Variants in TMEM80 observed in about 807,000 individuals in gnomAD.
TMEM80 encodes transmembrane protein 80.
TMEM80 carries 16 observed loss-of-function variants against 13.6 expected under a neutral mutation model. The observed-to-expected ratio is 1.17, with a 90% CI of 0.79 to 1.78. The LOEUF (loss-of-function observed/expected upper bound fraction) is 1.78, where lower values mean the gene tolerates loss of function less well. TMEM80 is among the 40% of genes most tolerant of loss of function. The pLI is 0.00. For synonymous variants in TMEM80, 92 were observed against 89.5 expected (o/e 1.03, Z -0.16); for missense variants, 167 against 184.6 (o/e 0.90, Z 0.55).
At chr11:700,288 AGGC>A in intron 3 of TMEM80, 53 bp downstream of exon 3, 1 of 1,516,442 alleles carries the variant, frequency 6.6e-7, no homozygotes, top group Non-Finnish European at 9.1e-7. Flanking sequence ...ACATTTTGGG[AGGC>A]TGAGGTGGGC....
At chr11:697,708 G>A (rs1161010552) in intron 1 of TMEM80, 1 of 152,228 alleles carries the variant, frequency 6.6e-6, no homozygotes, top group Admixed American at 6.5e-5. Context: ...AGGTGGCCTG[G>A]TTTAGCTAAG....
intron 4 of TMEM80, among the ~76,000 whole-genome samples, chr11:701,338 G>A (rs1189512373): frequency 1.3e-5 from 2 of 149,984 alleles, no homozygotes; most frequent in Non-Finnish European, 3.0e-5. Flanking sequence ...ACAGGCACCT[G>A]CCACCACGCC....
intron 2 of TMEM80, 72 bp downstream of exon 2, chr11:698,960 C>T (rs1209703745): frequency 1.1e-5 from 18 of 1,587,340 alleles, no homozygotes; most frequent in Admixed American, 1.7e-5. Flanking sequence ...AGCACTCGGC[C>T]TCACCCCACG....
chr11:704,524 G>A, downstream of TMEM80: 1 of 1,289,456 alleles, frequency 7.8e-7, no homozygotes, highest in Non-Finnish European at 1.0e-6. Context: ...TCCCTCACCA[G>A]CGCCTGCACT....
chr11:696,200 A>G (rs1296093555), intron 1 of TMEM80, among the ~76,000 whole-genome samples: 1 of 152,120 alleles, frequency 6.6e-6, no homozygotes, highest in Non-Finnish European at 1.5e-5. Flanking sequence ...CTCTCGCCAA[A>G]GAAAATCGCG....
intron 1 of TMEM80, 30 bp from the exon 2 acceptor site, chr11:698,839 G>A: frequency 6.2e-7 from 1 of 1,614,132 alleles, no homozygotes; most frequent in Non-Finnish European, 8.5e-7. Context: ...GTGGCTGTCA[G>A]GCCTTGCTCA....
Position 700,208 on chromosome 11 carries a change from G to A in TMEM80, c.106G>A (p.Ala36Thr), listed in dbSNP as rs769064980. 13 of 1,613,904 alleles carry A rather than the reference G, an allele frequency of 8.1e-6. No homozygotes were observed. Among genetic ancestry groups the A allele is most frequent in the Admixed American group, 6.7e-5 (4 of 59,992 alleles). ...SGTYYALYFL[A>T]TLLMITYKSQ... ...AACGTACTACGCCCTGTATTTCCTCGCCACGCTCCTGATGATCACGTATAA... is the reference window on the plus strand; with the variant it reads ...AACGTACTACGCCCTGTATTTCCTCACCACGCTCCTGATGATCACGTATAA... The change falls in exon 3 of 5, where the codon GCC becomes ACC. Residue 36 changes from alanine (A) to threonine (T), a missense_variant. Ala to Thr is a moderately conservative substitution (Grantham distance 58). Coordinates refer to ENST00000397510, the MANE Select transcript of TMEM80 (RefSeq NM_001042463.3).
chr11:696,635 G>A (rs1178649945), intron 1 of TMEM80, among the ~76,000 whole-genome samples: 4 of 33,356 alleles, frequency 1.2e-4, no homozygotes, highest in African/African-American at 3.7e-4. Flanking sequence ...AGGCGGTGGC[G>A]CACCCCTGTG....
Position 700,601 on chromosome 11 carries a change from C to T in TMEM80, c.134-14C>T, listed in dbSNP as rs1861407159. 61 of 1,611,366 alleles carry T rather than the reference C, an allele frequency of 3.8e-5. No homozygotes were observed. Among genetic ancestry groups the T allele is most frequent in the Non-Finnish European group, 5.2e-5 (61 of 1,177,694 alleles). On this transcript the variant is annotated splice_polypyrimidine_tract_variant and intron_variant, in intron 3 of 4. Coordinates refer to ENST00000397510, the MANE Select transcript of TMEM80 (RefSeq NM_001042463.3). ...CCAGGTTACTTATGTTCCGTCCGCG[C>T]CTCTGCTCTTCAGGTCAGGTGTTCA...
chr11:701,410 T>C (rs919408013), intron 4 of TMEM80, among the ~76,000 whole-genome samples: 1 of 130,122 alleles, frequency 7.7e-6, no homozygotes, highest in Admixed American at 7.4e-5. Flanking sequence ...AGGTTTCTTT[T>C]TTTTTTTTTT....
rs758691758 is a variant in TMEM80 at position 700,688 on chromosome 11, A to AG, written c.208dup (p.Ala70GlyfsTer16). On this transcript the variant is annotated frameshift_variant, in exon 4 of 5. Coordinates refer to ENST00000397510, the MANE Select transcript of TMEM80 (RefSeq NM_001042463.3). LOFTEE classifies it low-confidence loss of function (END_TRUNC). ...TGCTGTTTCTGATGGGGATTCTAGA[A>AG]GCAGTTCGGTTATACCTGGGTGAGT... 4 of 1,613,980 alleles carry AG rather than the reference A, an allele frequency of 2.5e-6. No homozygotes were observed. In the African/African-American group the frequency reaches 5.3e-5, roughly 22 times the overall value.
intron 1 of TMEM80, 23 bp from the exon 2 acceptor site, chr11:698,846 C>A: frequency 1.9e-6 from 3 of 1,614,126 alleles, no homozygotes; most frequent in Non-Finnish European, 2.5e-6. Flanking sequence ...TCAGGCCTTG[C>A]TCACGGCCCC....
At chr11:699,845 G>A (rs1265376232) in intron 2 of TMEM80, 3 of 351,594 alleles carry the variant, frequency 8.5e-6, no homozygotes, top group African/African-American at 6.3e-5. Flanking sequence ...GCCAGTGTGT[G>A]GAGGCTGTCC....
chr11:696,197 C>T (rs1861147570), intron 1 of TMEM80, among the ~76,000 whole-genome samples: 1 of 152,152 alleles, frequency 6.6e-6, no homozygotes, highest in South Asian at 2.1e-4. Context: ...GAACTCTCGC[C>T]AAAGAAAATC....
chr11:704,139 T>G (rs1590040838), downstream of TMEM80: 3 of 1,123,544 alleles, frequency 2.7e-6, no homozygotes, highest in East Asian at 1.4e-4. Context: ...ATTCTCCTAA[T>G]TATGGCCACC....
downstream of TMEM80, chr11:704,657 T>C: frequency 7.8e-7 from 1 of 1,287,636 alleles, no homozygotes; most frequent in Non-Finnish European, 1.0e-6. Flanking sequence ...TGGATCCTGA[T>C]ACCTCCAGTC....
chr11:699,817 G>A, intron 2 of TMEM80: 1 of 292,904 alleles, frequency 3.4e-6, no homozygotes, highest in Non-Finnish European at 6.4e-6. Flanking sequence ...CCAAAGGCAG[G>A]GTGACATCAC....
downstream of TMEM80, chr11:704,747 C>T (rs965509731): frequency 8.3e-6 from 8 of 961,280 alleles, no homozygotes; most frequent in East Asian, 6.1e-5. Context: ...GGATGGGGCC[C>T]GAGAGGCCAG....
chr11:699,191 A>C (rs897161633), intron 2 of TMEM80: 3 of 468,936 alleles, frequency 6.4e-6, no homozygotes, highest in Middle Eastern at 5.5e-4. Flanking sequence ...GAAATCCCTC[A>C]CTTTGTCCCT....
Sources: gnomAD v4.1 joint callset for allele counts (sites outside exome capture counted in the v4.1 genomes callset) on GRCh38, gnomAD v4.1.1 for gene constraint, MANE v1.5 for transcripts, NCBI Gene and HGNC (gene_info 2026-07-23, HGNC 2026-07-21) for gene names.